The following CHRM3 variants were observed in gnomAD, a reference collection of about 807,000 sequenced individuals.
CHRM3 encodes the protein cholinergic receptor muscarinic 3.
A neutral mutation model predicts 41.8 loss-of-function variants in CHRM3; 11 were observed. That is an observed-to-expected ratio of 0.26 (90% CI 0.17 to 0.44). CHRM3 has a LOEUF of 0.44. CHRM3 is among the 20% of genes least tolerant of loss of function. The probability of loss-of-function intolerance (pLI) is 1.00; values close to 1 mark genes in which losing one functional copy is unlikely to be tolerated. For synonymous variants in CHRM3, 297 were observed against 301.4 expected, an observed-to-expected ratio of 0.99 and a Z score of 0.15; for missense variants, 571 against 745.4, an observed-to-expected ratio of 0.77 and a Z score of 2.72.
intron 6 of CHRM3, among the ~76,000 whole-genome samples, chr1:239,882,700 A>G (rs1677744701): frequency 6.6e-6 from 1 of 152,216 alleles, no homozygotes; most frequent in Admixed American, 6.5e-5. Context: ...ACTAATCTAT[A>G]CTAAATTATT....
intron 1 of CHRM3, among the ~76,000 whole-genome samples, chr1:239,487,033 A>G (rs1667225226): frequency 6.6e-6 from 1 of 152,234 alleles, no homozygotes; most frequent in Non-Finnish European, 1.5e-5. Context: ...GAGAGAAGCA[A>G]TAAAAGCTGA....
chr1:239,459,935 G>A (rs1015947823), intron 1 of CHRM3, among the ~76,000 whole-genome samples: 1 of 152,100 alleles, frequency 6.6e-6, no homozygotes, highest in African/African-American at 2.4e-5. Context: ...TAATGATCAC[G>A]CATTAACTCT....
intron 4 of CHRM3, among the ~76,000 whole-genome samples, chr1:239,643,728 G>A (rs1671461172): frequency 6.6e-6 from 1 of 152,198 alleles, no homozygotes; most frequent in African/African-American, 2.4e-5. Flanking sequence ...TCCCAAGTGA[G>A]GCAATGCCTC....
intron 2 of CHRM3, among the ~76,000 whole-genome samples, chr1:239,496,510 A>AGTGTGTGTGT (rs71166874): frequency 3.5e-3 from 512 of 145,064 alleles, no homozygotes; most frequent in Non-Finnish European, 5.3e-3. Context: ...TAGTAATTCT[A>AGTGTGTGTGT]GTGTGTGTGT....
At chr1:239,669,794 T>C (rs1674176622) in intron 4 of CHRM3, among the ~76,000 whole-genome samples, 2 of 152,158 alleles carry the variant, frequency 1.3e-5, no homozygotes, top group Non-Finnish European at 2.9e-5. Context: ...GAATAGAAAG[T>C]TACAAGCATA....
chr1:239,655,710 G>C (rs1193904594), intron 4 of CHRM3, among the ~76,000 whole-genome samples: 1 of 152,156 alleles, frequency 6.6e-6, no homozygotes, highest in Non-Finnish European at 1.5e-5. Flanking sequence ...TGGACAATCA[G>C]TATAATATCA....
At chr1:239,819,614 C>T (rs934441766) in intron 5 of CHRM3, among the ~76,000 whole-genome samples, 3 of 152,180 alleles carry the variant, frequency 2.0e-5, no homozygotes, top group Admixed American at 1.3e-4. Context: ...CAGGTAATAA[C>T]ATGAGATGGC....
intron 5 of CHRM3, among the ~76,000 whole-genome samples, chr1:239,740,431 A>G (rs1664736721): frequency 6.6e-6 from 1 of 151,740 alleles, no homozygotes; most frequent in South Asian, 2.1e-4. Context: ...GGTACCACTG[A>G]CTACCAAGAA....
intron 1 of CHRM3, among the ~76,000 whole-genome samples, chr1:239,455,024 C>T (rs750656787): frequency 1.4e-4 from 21 of 152,098 alleles, no homozygotes; most frequent in Non-Finnish European, 7.4e-5. Context: ...ATTTACTATA[C>T]TATATGTTTT....
intron 6 of CHRM3, among the ~76,000 whole-genome samples, chr1:239,860,633 C>A (rs975300461): frequency 1.3e-4 from 20 of 152,154 alleles, no homozygotes; most frequent in African/African-American, 4.3e-4. Context: ...AATGTAATTT[C>A]ATGCAGTGTT....
At chr1:239,434,550 G>C (rs1336021294) in intron 1 of CHRM3, among the ~76,000 whole-genome samples, 4 of 152,140 alleles carry the variant, frequency 2.6e-5, no homozygotes, top group Admixed American at 6.6e-5. Flanking sequence ...TCTTTATATG[G>C]GTAGTGGCTA....
At chr1:239,890,601 T>C (rs911658530) in intron 6 of CHRM3, among the ~76,000 whole-genome samples, 1 of 152,132 alleles carries the variant, frequency 6.6e-6, no homozygotes, top group Non-Finnish European at 1.5e-5. Context: ...CAAAATATGG[T>C]GGGCAGTACC....
In CHRM3 at chr1:239,907,600, C is replaced by G; in HGVS notation, c.149C>G (p.Ser50Cys). 1.9e-6 allele frequency: 3 copies of G among 1,614,148 alleles called. No individual in the cohort carries two copies. Among genetic ancestry groups the G allele is most frequent in the Non-Finnish European group, 2.5e-6 (3 of 1,180,018 alleles). ...GTTTCTCGAGCAGCTGGCAATTTCT[C>G]CTCTCCAGACGGTACCACCGATGAC... is the stretch of plus-strand genomic sequence containing the variant. ...YNVSRAAGNF[S>C]SPDGTTDDPL... The change falls in exon 7 of 7, where the codon TCC becomes TGC. Residue 50 changes from serine to cysteine, a missense_variant. Transcript: ENST00000676153. This position sits in a 1 kb window ranked among gnomAD's most constrained non-coding sequence, Gnocchi z 5.4.
At chr1:239,462,381 G>C (rs1324681814) in intron 1 of CHRM3, among the ~76,000 whole-genome samples, 1 of 152,106 alleles carries the variant, frequency 6.6e-6, no homozygotes, top group Non-Finnish European at 1.5e-5. Context: ...TGTTTCAAAA[G>C]TCATGATTCT....
chr1:239,466,086 C>A (rs1665708265), intron 1 of CHRM3, among the ~76,000 whole-genome samples: 1 of 152,100 alleles, frequency 6.6e-6, no homozygotes, highest in Non-Finnish European at 1.5e-5. Flanking sequence ...CTCCACCTCC[C>A]AGGTTCAAGT....
intron 5 of CHRM3, among the ~76,000 whole-genome samples, chr1:239,797,639 T>G (rs1669896494): frequency 6.6e-6 from 1 of 152,208 alleles, no homozygotes; most frequent in Non-Finnish European, 1.5e-5. Context: ...CAAAGCATTT[T>G]AAAAGCTGTA....
At chr1:239,885,886 T>G (rs1205601621) in intron 6 of CHRM3, among the ~76,000 whole-genome samples, 1 of 152,186 alleles carries the variant, frequency 6.6e-6, no homozygotes, top group Non-Finnish European at 1.5e-5. Context: ...TCTCCTTGTC[T>G]GATGTGTCAC....
intron 6 of CHRM3, among the ~76,000 whole-genome samples, chr1:239,885,526 G>C (rs1677992778): frequency 6.6e-6 from 1 of 152,100 alleles, no homozygotes; most frequent in Admixed American, 6.5e-5. Flanking sequence ...TGTACCGAGA[G>C]CAATATCACA....
At position 239,908,066 on chromosome 1, in the gene CHRM3, G is replaced by T. The variant is rs200493922; in HGVS notation, c.615G>T (p.Leu205Phe). The T allele has an allele frequency of 1.2e-6, 2 of 1,614,180 alleles. No homozygotes were observed. The highest frequency in any genetic ancestry group is 8.5e-7 in the Non-Finnish European group (1 of 1,180,048). ...TTGTCCTTTGGGCTCCTGCCATCTT[G>T]TTCTGGCAATACTTTGTTGGAAAGA... is the stretch of plus-strand genomic sequence containing the variant. The part of the protein sequence containing the change: ...ISFVLWAPAI[L>F]FWQYFVGKRT... Residue 205 changes from leucine to phenylalanine, a missense_variant, in exon 7 of 7, where the codon TTG becomes TTT. Leu to Phe is a conservative substitution (Grantham distance 22, BLOSUM62 0). Coordinates refer to ENST00000676153, the MANE Select transcript of CHRM3 (RefSeq NM_001375978.1). This position sits in a 1 kb window ranked among gnomAD's most constrained non-coding sequence, Gnocchi z 7.2.
Sources: allele counts gnomAD v4.1 joint callset (sites outside exome capture counted in the v4.1 genomes callset), GRCh38; gene constraint gnomAD v4.1.1; non-coding constraint Gnocchi (gnomAD v3.1); transcripts MANE v1.5; gene names NCBI Gene and HGNC (gene_info 2026-07-23, HGNC 2026-07-21).